The following SYCE1 variants were observed in gnomAD, a reference collection of about 807,000 sequenced individuals.
SYCE1 encodes the protein cancer/testis antigen 76.
A neutral mutation model predicts 55.1 loss-of-function variants in SYCE1; 37 were observed. The observed-to-expected ratio is 0.67, with a 90% CI of 0.52 to 0.88. SYCE1 has a LOEUF of 0.88. Ranked by LOEUF, SYCE1 falls within the 40% of genes least tolerant of loss-of-function variation. The pLI is 0.00. For missense variants in SYCE1, 399 were observed against 416.4 expected, an observed-to-expected ratio of 0.96 and a Z score of 0.36; for synonymous variants, 163 against 159.4, an observed-to-expected ratio of 1.02 and a Z score of -0.17.
Position 133,558,214 on chromosome 10 carries a change from A to G in SYCE1, c.272T>C (p.Leu91Pro). 1.9e-6 allele frequency: 3 copies of G among 1,614,170 alleles called. No homozygotes were observed. Among genetic ancestry groups the G allele is most frequent in the Non-Finnish European group, 2.5e-6 (3 of 1,180,030 alleles). The change falls in exon 5 of 13, where the codon CTG (leucine) becomes CCG (proline). Residue 91 changes from leucine to proline, a missense_variant and splice_region_variant. Leu to Pro is a moderately conservative substitution (Grantham distance 98). Coordinates refer to ENST00000343131, the MANE Select transcript of SYCE1 (RefSeq NM_001143764.3). ...CEALQKELDS[L>P]HGEKVHLKEI... is the part of the protein sequence containing the mutation. Reference sequence around the variant, plus strand: ...CTTCAGGTGTACTTTCTCTCCATGCACTAGAAAACAGTGACACATTTTGGC... The same window carrying G: ...CTTCAGGTGTACTTTCTCTCCATGCGCTAGAAAACAGTGACACATTTTGGC...
intron 1 of SYCE1, chr10:133,560,373 G>A: frequency 2.3e-6 from 1 of 430,248 alleles, no homozygotes; most frequent in Non-Finnish European, 4.1e-6. Context: ...CTCTGGGTGA[G>A]GGCAGGGGTG....
upstream of SYCE1, chr10:133,568,171 G>A (rs1477833131): frequency 9.3e-6 from 9 of 969,802 alleles, no homozygotes; most frequent in Admixed American, 2.0e-5. Context: ...TGGGTCCAGC[G>A]CCCGAAGTCC....
intron 11 of SYCE1, 35 bp from the exon 12 acceptor site, chr10:133,555,473 G>C (rs570389376): frequency 5.0e-6 from 8 of 1,613,224 alleles, no homozygotes; most frequent in Non-Finnish European, 5.1e-6. Context: ...GGAAGGAAGA[G>C]GAGGAAAGGG....
chr10:133,555,569 G>T, intron 11 of SYCE1, 28 bp downstream of exon 11: 3 of 1,602,236 alleles, frequency 1.9e-6, no homozygotes, highest in Non-Finnish European at 2.5e-6. Flanking sequence ...CCTGGTGGGG[G>T]TTGCGGGGAC....
chr10:133,554,425 G>A (rs989243249), downstream of SYCE1: 21 of 1,081,542 alleles, frequency 1.9e-5, no homozygotes, highest in African/African-American at 1.5e-4. Flanking sequence ...TTGGGTCAAC[G>A]CATTTCAGTG....
chr10:133,555,222 G>T, intron 12 of SYCE1, 93 bp from the exon 13 acceptor site: 1 of 1,544,778 alleles, frequency 6.5e-7, no homozygotes, highest in South Asian at 1.2e-5. Flanking sequence ...GGTGGACCCA[G>T]TATGGGAAAG....
chr10:133,564,898 C>G (rs1851890228), intron 1 of SYCE1, among the ~76,000 whole-genome samples: 1 of 152,228 alleles, frequency 6.6e-6, no homozygotes, highest in Non-Finnish European at 1.5e-5. Flanking sequence ...CTGTACAACT[C>G]TGACCAGCTG....
At chr10:133,568,191 A>G (rs1278584530), upstream of SYCE1, 1 of 1,056,862 alleles carries the variant, frequency 9.5e-7, no homozygotes, top group Admixed American at 2.0e-5. Context: ...CACGTACAGT[A>G]GCTGTAGATG....
rs1284732975 is a variant in SYCE1, at chr10:133,554,928, T to C, written c.*64A>G. ...AGGCAGAGTCAAGCCAAGGCTTCAA[T>C]CAGTCACAGGAGACTGGGGATCTTG... On this transcript the variant is annotated 3_prime_UTR_variant, in exon 13 of 13. Transcript: ENST00000343131. 5 of 1,473,710 alleles carry C rather than the reference T, an allele frequency of 3.4e-6. No individual in the cohort carries two copies. Among genetic ancestry groups the C allele is most frequent in the Non-Finnish European group, 4.5e-6 (5 of 1,112,050 alleles). 91.3% of individuals were successfully genotyped at this position (1,473,710 alleles called of 1,614,324 possible).
Position 133,557,056 on chromosome 10 carries a change from C to G in SYCE1, c.464+11G>C, listed in dbSNP as rs1432840610. On this transcript the variant is annotated intron_variant, in intron 7 of 12. Coordinates refer to ENST00000343131, the MANE Select transcript of SYCE1 (RefSeq NM_001143764.3). ...CCATCCAAACCCCCTGCCTCAGATG[C>G]TAAGGTTTACCTCAGCTGTCTCTGT... 3 of 1,613,598 alleles carry G rather than the reference C, an allele frequency of 1.9e-6. No individual in the cohort carries two copies. The highest frequency in any genetic ancestry group is 2.5e-6 in the Non-Finnish European group (3 of 1,179,636).
downstream of SYCE1, chr10:133,553,953 T>C (rs1851587147): frequency 4.9e-6 from 1 of 204,572 alleles, no homozygotes; most frequent in South Asian, 1.8e-4. Context: ...ATAGGTGAAC[T>C]GTGTCAAAGG....
intron 7 of SYCE1, 30 bp from the exon 8 acceptor site, chr10:133,556,852 A>G (rs1851696533): frequency 6.2e-7 from 1 of 1,603,646 alleles, no homozygotes; most frequent in African/African-American, 1.3e-5. Flanking sequence ...ATGAGGGGAT[A>G]TGGGCTGAAA....
At chr10:133,556,625 G>C in intron 8 of SYCE1, 134 bp downstream of exon 8, 1 of 880,162 alleles carries the variant, frequency 1.1e-6, no homozygotes, top group Non-Finnish European at 1.8e-6. Flanking sequence ...ACTGGATTCA[G>C]GCAATGTCGA....
At chr10:133,568,102 C>T, upstream of SYCE1, 1 of 722,918 alleles carries the variant, frequency 1.4e-6, no homozygotes, top group South Asian at 1.5e-5. Context: ...CCTAGGGCCG[C>T]AGCAGCCCCA....
intron 1 of SYCE1, among the ~76,000 whole-genome samples, chr10:133,563,468 A>G (rs1419891980): frequency 6.6e-6 from 1 of 152,146 alleles, no homozygotes; most frequent in Non-Finnish European, 1.5e-5. Context: ...AGGACTGCTC[A>G]AGCATAGGAG....
upstream of SYCE1, among the ~76,000 whole-genome samples, chr10:133,566,111 G>A (rs528404661): frequency 1.1e-4 from 17 of 152,346 alleles, no homozygotes; most frequent in South Asian, 3.1e-3. Context: ...CAGTGGCCGA[G>A]GCCGGCCACA....
upstream of SYCE1, among the ~76,000 whole-genome samples, chr10:133,566,376 C>T (rs910661434): frequency 6.6e-6 from 1 of 151,396 alleles, no homozygotes; most frequent in Non-Finnish European, 1.5e-5. Flanking sequence ...AAAAGGTTAC[C>T]TTAGGGTTTA....
upstream of SYCE1, chr10:133,565,686 G>A (rs1057222770): frequency 5.8e-6 from 4 of 690,146 alleles, no homozygotes; most frequent in Admixed American, 1.0e-4. Flanking sequence ...GGCCTGCGTG[G>A]CACTAGTGCG....
chr10:133,554,435 G>T, downstream of SYCE1: 1 of 1,013,336 alleles, frequency 9.9e-7, no homozygotes, highest in Non-Finnish European at 1.6e-6. Flanking sequence ...GCATTTCAGT[G>T]AATTTGAAAC....
Sources: allele counts gnomAD v4.1 joint callset (sites outside exome capture counted in the v4.1 genomes callset), GRCh38; gene constraint gnomAD v4.1.1; transcripts MANE v1.5; gene names NCBI Gene and HGNC (gene_info 2026-07-23, HGNC 2026-07-21).